Variants in ATP6V0A4 observed in about 807,000 individuals in gnomAD.
ATP6V0A4 encodes the protein V-type proton ATPase 116 kDa subunit a 4.
In ATP6V0A4, 86 loss-of-function variants were observed where a neutral mutation model predicts 107.3. The observed-to-expected ratio is 0.80, with a 90% CI of 0.67 to 0.96. The LOEUF is 0.96. Ranked by LOEUF, ATP6V0A4 falls within the 40% of genes least tolerant of loss-of-function variation. The pLI, the probability that ATP6V0A4 is intolerant of heterozygous loss-of-function variation, is 0.00. For missense variants in ATP6V0A4, 908 were observed against 1,045.6 expected (o/e 0.87, Z 1.81); for synonymous variants, 353 against 381.4 (o/e 0.93, Z 0.87).
At chr7:138,727,217 T>C (rs1298391768) in intron 18 of ATP6V0A4, among the ~76,000 whole-genome samples, 1 of 151,856 alleles carries the variant, frequency 6.6e-6, no homozygotes, top group East Asian at 1.9e-4. Flanking sequence ...AGTCGGAGGC[T>C]GCAGTGAGCT....
intron 6 of ATP6V0A4, 104 bp from the exon 7 acceptor site, chr7:138,762,538 C>T: frequency 1.9e-6 from 3 of 1,546,702 alleles, no homozygotes; most frequent in Non-Finnish European, 2.6e-6. Context: ...CTTTAATTTT[C>T]CACAAAAAGT....
At chr7:138,750,170 C>T (rs947515444) in intron 11 of ATP6V0A4, among the ~76,000 whole-genome samples, 108 of 152,136 alleles carry the variant, frequency 7.1e-4, no homozygotes, top group African/African-American at 2.6e-3. Flanking sequence ...CCTCCATTCA[C>T]ACCTTCACCC....
chr7:138,722,129 GAC>G, intron 18 of ATP6V0A4, 104 bp from the exon 19 acceptor site: 1 of 1,535,484 alleles, frequency 6.5e-7, no homozygotes, highest in Non-Finnish European at 8.8e-7. Flanking sequence ...CTATGTACCA[GAC>G]ACTGTTCTAA....
In ATP6V0A4 at chr7:138,712,183, C is replaced by T. The variant is rs181612502; in HGVS notation, c.2258-2388G>A. ...CTGACCTCAGGTAATCCCCCCACCACCTTGGCCTCCCAAAGTGCTGGGATT... is the reference window on the plus strand; with the variant it reads ...CTGACCTCAGGTAATCCCCCCACCATCTTGGCCTCCCAAAGTGCTGGGATT... On this transcript the variant is annotated intron_variant, in intron 20 of 21. Transcript: ENST00000310018. 6.3e-4 allele frequency among the ~76,000 whole-genome samples: 96 copies of T among 152,314 alleles called. 1 individual carries two copies. The East Asian group carries it at 0.014, about 22-fold the overall frequency.
At chr7:138,719,588 C>G (rs1356041608) in intron 19 of ATP6V0A4, among the ~76,000 whole-genome samples, 1 of 152,158 alleles carries the variant, frequency 6.6e-6, no homozygotes, top group Non-Finnish European at 1.5e-5. Context: ...CCTAGGCTGG[C>G]GATTCTCTGC....
chr7:138,777,639 C>T (rs960089294), intron 2 of ATP6V0A4, among the ~76,000 whole-genome samples: 2 of 148,518 alleles, frequency 1.3e-5, no homozygotes, highest in Admixed American at 6.7e-5. Flanking sequence ...AAAATACACA[C>T]ACACACACAC....
At chr7:138,744,602 T>C (rs1040970553) in intron 14 of ATP6V0A4, among the ~76,000 whole-genome samples, 2 of 152,200 alleles carry the variant, frequency 1.3e-5, no homozygotes, top group African/African-American at 4.8e-5. Flanking sequence ...GGTGTGATTG[T>C]AGCTCATGCA....
At chr7:138,792,235 G>C (rs567482814) in intron 1 of ATP6V0A4, among the ~76,000 whole-genome samples, 3 of 152,202 alleles carry the variant, frequency 2.0e-5, no homozygotes, top group Non-Finnish European at 4.4e-5. Flanking sequence ...GTGAACCCAG[G>C]AGGCAGCTTG....
intron 15 of ATP6V0A4, among the ~76,000 whole-genome samples, chr7:138,735,513 C>G (rs1805269779): frequency 6.6e-6 from 1 of 152,256 alleles, no homozygotes; most frequent in Non-Finnish European, 1.5e-5. Flanking sequence ...CGTGCTCACA[C>G]AGTCAGGTGC....
chr7:138,793,678 T>C (rs901075431), intron 1 of ATP6V0A4, among the ~76,000 whole-genome samples: 4 of 152,088 alleles, frequency 2.6e-5, no homozygotes, highest in Non-Finnish European at 2.9e-5. Flanking sequence ...CAGGTCACAG[T>C]GCAACTAAGC....
rs767750902 is a variant in ATP6V0A4 at position 138,798,081 on chromosome 7, C to T, written c.-168G>A. ...CTCCGCAGGACCGGCTCACCTGCACCGGGCACTCAGCACAGCCTCCAGCAT... is the reference window on the plus strand; with the variant it reads ...CTCCGCAGGACCGGCTCACCTGCACTGGGCACTCAGCACAGCCTCCAGCAT... On this transcript the variant is annotated 5_prime_UTR_variant, in exon 1 of 22. Coordinates refer to ENST00000310018, the MANE Select transcript of ATP6V0A4 (RefSeq NM_020632.3). The T allele has an allele frequency of 1.4e-5, 22 of 1,583,940 alleles. No individual in the cohort carries two copies. The highest frequency in any genetic ancestry group is 1.7e-5 in the Non-Finnish European group (20 of 1,165,776).
At chr7:138,782,637 C>T (rs1234042972) in intron 2 of ATP6V0A4, among the ~76,000 whole-genome samples, 8 of 152,122 alleles carry the variant, frequency 5.3e-5, no homozygotes, top group Non-Finnish European at 1.2e-4. Flanking sequence ...AAGAAAATGT[C>T]TTGAGAATCA....
At chr7:138,727,561 A>G (rs1181316495) in intron 18 of ATP6V0A4, among the ~76,000 whole-genome samples, 1 of 152,208 alleles carries the variant, frequency 6.6e-6, no homozygotes, top group Non-Finnish European at 1.5e-5. Flanking sequence ...GGCAGGTGAC[A>G]GAGAAACAGA....
At chr7:138,759,386 G>A (rs1806674857) in intron 8 of ATP6V0A4, among the ~76,000 whole-genome samples, 1 of 151,920 alleles carries the variant, frequency 6.6e-6, no homozygotes, top group Admixed American at 6.6e-5. Flanking sequence ...ATCCCCGGGT[G>A]ACCTCTATGC....
chr7:138,770,153 A>G (rs375610320), intron 3 of ATP6V0A4, among the ~76,000 whole-genome samples: 4 of 152,280 alleles, frequency 2.6e-5, no homozygotes, highest in South Asian at 4.2e-4. Context: ...AGGAAGTGAA[A>G]AAAACCCACA....
intron 15 of ATP6V0A4, 39 bp from the exon 16 acceptor site, chr7:138,734,293 G>C: frequency 6.2e-7 from 1 of 1,610,352 alleles, no homozygotes; most frequent in South Asian, 1.1e-5. Context: ...GTGAGAGAGA[G>C]TCTTAGAAGT....
chr7:138,787,449 A>T (rs1808221820), intron 1 of ATP6V0A4, among the ~76,000 whole-genome samples: 2 of 152,158 alleles, frequency 1.3e-5, no homozygotes, highest in South Asian at 4.1e-4. Flanking sequence ...TTGACTCAGG[A>T]TTCTTGTGTT....
intron 21 of ATP6V0A4, 93 bp from the exon 22 acceptor site, chr7:138,706,810 T>C: frequency 6.4e-7 from 1 of 1,568,158 alleles, no homozygotes; most frequent in South Asian, 1.1e-5. Flanking sequence ...AAGCAGAGCG[T>C]TCGTAAAATC....
At chr7:138,716,347 A>G (rs1286176035) in intron 19 of ATP6V0A4, among the ~76,000 whole-genome samples, 1 of 152,214 alleles carries the variant, frequency 6.6e-6, no homozygotes, top group Non-Finnish European at 1.5e-5. Flanking sequence ...CTAGAAAGGC[A>G]AGCTATGGGT....
Sources: allele counts gnomAD v4.1 joint callset (sites outside exome capture counted in the v4.1 genomes callset), GRCh38; gene constraint gnomAD v4.1.1; transcripts MANE v1.5; gene names NCBI Gene and HGNC (gene_info 2026-07-23, HGNC 2026-07-21).